CCNY: variants seen among roughly 807,000 people sequenced by gnomAD.
CCNY encodes cyclin Y, also known as cyclin-Y.
In CCNY, 19 loss-of-function variants were observed where a neutral mutation model predicts 42.8. The ratio of observed to expected loss-of-function variants is 0.44; its 90% CI spans 0.31 to 0.65. The LOEUF (loss-of-function observed/expected upper bound fraction) is 0.65. Ranked by LOEUF, CCNY falls within the 30% of genes least tolerant of loss-of-function variation. The pLI, the probability that CCNY is intolerant of heterozygous loss-of-function variation, is 0.07. For missense variants in CCNY, 370 were observed against 437.3 expected, an observed-to-expected ratio of 0.85 and a Z score of 1.37; for synonymous variants, 165 against 162.7, an observed-to-expected ratio of 1.01 and a Z score of -0.11.
rs956319530 is a variant in CCNY, at chr10:35,570,460, G to C, written c.*1290G>C. 6.6e-6 allele frequency: 1 copy of C among 152,202 alleles called. No homozygotes were observed. Among genetic ancestry groups the C allele is most frequent in the Non-Finnish European group, 1.5e-5 (1 of 68,012 alleles). The allele number at this position is 152,202 out of a possible 1,614,324, so 9.4% of individuals were successfully genotyped here. A position where few individuals can be genotyped will look rare whatever the true frequency, so the allele number is the denominator to read the frequency against. On this transcript the variant is annotated 3_prime_UTR_variant, in exon 10 of 10. Transcript: ENST00000374704. ...TCTGACGATCCCTGATTTCCTTATGGACTCAATAAGAATCTTTTATATCAA... is the reference window on the plus strand; with the variant it reads ...TCTGACGATCCCTGATTTCCTTATGCACTCAATAAGAATCTTTTATATCAA...
chr10:35,354,100 G>T (rs2474521), intron 1 of CCNY, among the ~76,000 whole-genome samples: 10,569 of 152,112 alleles, frequency 0.069, 589 homozygotes, highest in African/African-American at 0.16. Flanking sequence ...TCTCCATAGG[G>T]CAGCTGGCTT....
intron 3 of CCNY, among the ~76,000 whole-genome samples, chr10:35,292,287 C>A (rs1426267019): frequency 6.6e-6 from 1 of 152,150 alleles, no homozygotes; most frequent in Non-Finnish European, 1.5e-5. Context: ...TGGGATTTTT[C>A]TCCCTATTTT....
intron 7 of CCNY, among the ~76,000 whole-genome samples, chr10:35,535,017 G>A (rs1167586529): frequency 6.8e-6 from 1 of 148,040 alleles, no homozygotes; most frequent in Non-Finnish European, 1.5e-5. Context: ...GTGTGTGTGT[G>A]TGTGTGTGTG....
intron 3 of CCNY, among the ~76,000 whole-genome samples, chr10:35,259,672 G>GTTTT (rs1202854456): frequency 1.2e-4 from 10 of 86,298 alleles, no homozygotes; most frequent in African/African-American, 1.5e-4. Context: ...CTGGCTAATT[G>GTTTT]TTTTTTTTTT....
intron 1 of CCNY, among the ~76,000 whole-genome samples, chr10:35,479,122 A>G (rs2054977655): frequency 6.6e-6 from 1 of 151,800 alleles, no homozygotes; most frequent in African/African-American, 2.4e-5. Context: ...GCTGGAGAGG[A>G]TGTGGAGAAA....
intron 3 of CCNY, among the ~76,000 whole-genome samples, chr10:35,270,213 C>T (rs1816703787): frequency 6.6e-6 from 1 of 152,106 alleles, no homozygotes; most frequent in African/African-American, 2.4e-5. Flanking sequence ...GGAGTAAACT[C>T]CCTCCAACAA....
intron 2 of CCNY, among the ~76,000 whole-genome samples, chr10:35,495,241 G>A (rs1007933033): frequency 4.6e-5 from 7 of 152,138 alleles, no homozygotes; most frequent in Admixed American, 4.6e-4. Flanking sequence ...ATATGGCTCT[G>A]TATTTTCCAA....
intron 1 of CCNY, among the ~76,000 whole-genome samples, chr10:35,372,437 C>T (rs1007286537): frequency 2.0e-5 from 3 of 152,202 alleles, no homozygotes; most frequent in Admixed American, 6.5e-5. Flanking sequence ...GGATCAGCCT[C>T]GGGCCTTCCA....
intron 1 of CCNY, among the ~76,000 whole-genome samples, chr10:35,439,898 T>A (rs914575659): frequency 1.3e-5 from 2 of 152,146 alleles, no homozygotes; most frequent in African/African-American, 4.8e-5. Context: ...GGCTCTTTGT[T>A]ATAGTTGGTG....
intron 9 of CCNY, among the ~76,000 whole-genome samples, chr10:35,567,336 C>T (rs1017432351): frequency 4.6e-5 from 7 of 152,172 alleles, no homozygotes; most frequent in African/African-American, 9.7e-5. Context: ...TATGTGGCTC[C>T]GCCTCATATG....
intron 1 of CCNY, among the ~76,000 whole-genome samples, chr10:35,351,264 C>T (rs1198786830): frequency 2.0e-5 from 3 of 152,212 alleles, no homozygotes; most frequent in African/African-American, 7.2e-5. Flanking sequence ...GAAAATGAAC[C>T]TCTTCTGTTT....
At chr10:35,465,241 T>G (rs1206342594) in intron 1 of CCNY, among the ~76,000 whole-genome samples, 1 of 152,196 alleles carries the variant, frequency 6.6e-6, no homozygotes, top group East Asian at 1.9e-4. Context: ...GTTCGTGTCC[T>G]AATGTGGTAC....
intron 4 of CCNY, among the ~76,000 whole-genome samples, chr10:35,522,170 CTA>C (rs2135414710): frequency 6.6e-6 from 1 of 152,332 alleles, no homozygotes; most frequent in African/African-American, 2.4e-5. Flanking sequence ...ACCGCCACCT[CTA>C]CACTGACAAG....
intron 3 of CCNY, among the ~76,000 whole-genome samples, chr10:35,296,303 G>A (rs778873056): frequency 4.6e-5 from 7 of 152,214 alleles, no homozygotes; most frequent in Non-Finnish European, 1.0e-4. Context: ...AAAGAGTTTG[G>A]GAGGGGTGGC....
At chr10:35,497,708 C>CA (rs1840028493) in intron 2 of CCNY, among the ~76,000 whole-genome samples, 1 of 124,190 alleles carries the variant, frequency 8.1e-6, no homozygotes, top group African/African-American at 3.1e-5. Flanking sequence ...GCCTGGATTA[C>CA]AGAGCGAGAC....
chr10:35,430,476 A>G (rs982536244), intron 1 of CCNY, among the ~76,000 whole-genome samples: 5 of 152,224 alleles, frequency 3.3e-5, no homozygotes, highest in Admixed American at 6.5e-5. Flanking sequence ...AAGAGGGAGA[A>G]TGTGATCATC....
At chr10:35,460,863 G>A (rs769270461) in intron 1 of CCNY, among the ~76,000 whole-genome samples, 1 of 152,204 alleles carries the variant, frequency 6.6e-6, no homozygotes, top group Non-Finnish European at 1.5e-5. Context: ...GATAAGTGAT[G>A]CTCCATGCCA....
chr10:35,491,840 C>T (rs964022304), intron 2 of CCNY, among the ~76,000 whole-genome samples: 11 of 133,184 alleles, frequency 8.3e-5, no homozygotes, highest in Non-Finnish European at 1.7e-4. Flanking sequence ...GTCTCGATCT[C>T]CTGACCTCGT....
At position 35,462,691 on chromosome 10, in the gene CCNY, G is replaced by A. The variant is rs573032914; in HGVS notation, c.155-20713G>A. ...GTGCGGGTGGAGGGGTCATTCCAGA[G>A]CAGAGGGGCTGGTGCTGGATTGGAA... On this transcript the variant is annotated intron_variant, in intron 1 of 9. Coordinates refer to ENST00000374704, the MANE Select transcript of CCNY (RefSeq NM_145012.6). Among the ~76,000 whole-genome samples, 12 of 152,324 alleles carry A rather than the reference G, an allele frequency of 7.9e-5. No homozygotes were observed. In the South Asian group the frequency reaches 2.5e-3, roughly 32 times the overall value.
Sources: gnomAD v4.1 joint callset for allele counts (sites outside exome capture counted in the v4.1 genomes callset) on GRCh38, gnomAD v4.1.1 for gene constraint, MANE v1.5 for transcripts, NCBI Gene and HGNC (gene_info 2026-07-23, HGNC 2026-07-21) for gene names.